Variants in RHPN2 observed in about 807,000 individuals in gnomAD.
RHPN2 encodes rhophilin Rho GTPase binding protein 2.
In RHPN2, 40 loss-of-function variants were observed where a neutral mutation model predicts 79.0. The ratio of observed to expected loss-of-function variants is 0.51; its 90% CI spans 0.39 to 0.66. The LOEUF (loss-of-function observed/expected upper bound fraction) is 0.66, where lower values mean the gene tolerates loss of function less well. Ranked by LOEUF, RHPN2 falls within the 30% of genes least tolerant of loss-of-function variation. The probability of loss-of-function intolerance (pLI) is 0.00; values close to 1 mark genes in which losing one functional copy is unlikely to be tolerated. For missense variants in RHPN2, 686 were observed against 883.5 expected (o/e 0.78, Z 2.83); for synonymous variants, 285 against 363.5 (o/e 0.78, Z 2.46).
At position 32,978,659 on chromosome 19, in the gene RHPN2, TC is replaced by T. The variant is rs1220406658; in HGVS notation, c.*1336del. 2.0e-5 allele frequency: 3 copies of T among 152,632 alleles called. No individual in the cohort carries two copies. Among genetic ancestry groups the T allele is most frequent in the Admixed American group, 2.0e-4 (3 of 15,264 alleles). 9.5% of individuals were successfully genotyped at this position (152,632 alleles called of 1,614,324 possible). A position where few individuals can be genotyped will look rare whatever the true frequency, so the allele number is the denominator to read the frequency against. ...GGCCCTAGGAGCAGCAGATACACTT[TC>T]CCAAAGGTGGTTGCTTCCTTTAAGA... On this transcript the variant is annotated 3_prime_UTR_variant, in exon 15 of 15. Coordinates refer to ENST00000254260, the MANE Select transcript of RHPN2 (RefSeq NM_033103.5).
intron 1 of RHPN2, among the ~76,000 whole-genome samples, chr19:33,048,964 G>GT (rs564855575): frequency 4.0e-5 from 6 of 150,346 alleles, no homozygotes; most frequent in East Asian, 2.0e-4. Context: ...GGATAAGAAT[G>GT]TTTTTTTTTC....
intron 1 of RHPN2, among the ~76,000 whole-genome samples, chr19:33,057,116 T>A (rs1378785680): frequency 2.6e-5 from 3 of 116,752 alleles, no homozygotes; most frequent in South Asian, 3.6e-4. Flanking sequence ...CCAGACTCTG[T>A]CTCAAAAAAA....
Position 32,979,936 on chromosome 19 carries a change from C to CT in RHPN2, c.*59_*60insA, listed in dbSNP as rs1971559622. The CT allele has an allele frequency of 3.1e-6, 5 of 1,590,768 alleles. No homozygotes were observed. Among genetic ancestry groups the CT allele is most frequent in the Non-Finnish European group, 4.3e-6 (5 of 1,159,222 alleles). ...TAGATATTTTCCATTATGGCACAAACGTTTAAGGCCGAGTCAGCACCGGAA... is the reference window on the plus strand; with the variant it reads ...TAGATATTTTCCATTATGGCACAAACTGTTTAAGGCCGAGTCAGCACCGGAA... On this transcript the variant is annotated 3_prime_UTR_variant, in exon 15 of 15. Transcript: ENST00000254260.
chr19:33,019,044 A>AGAAAG (rs71176184), intron 4 of RHPN2, among the ~76,000 whole-genome samples: 5 of 140,236 alleles, frequency 3.6e-5, no homozygotes, highest in South Asian at 2.3e-4. Context: ...AAAAAAAAAA[A>AGAAAG]AAAGAAAGAA....
intron 2 of RHPN2, among the ~76,000 whole-genome samples, chr19:33,034,149 C>T (rs547391909): frequency 9.9e-5 from 15 of 151,472 alleles, no homozygotes; most frequent in African/African-American, 3.4e-4. Context: ...TGAGCCATCG[C>T]GCCCGGCCTG....
At chr19:33,064,755 T>TGGGGGGCC in intron 1 of RHPN2, 29 bp downstream of exon 1, 22 of 1,427,876 alleles carry the variant, frequency 1.5e-5, no homozygotes, top group Non-Finnish European at 2.1e-5. Flanking sequence ...AGCCCGCAGG[T>TGGGGGGCC]CCCCGCCCGC....
In RHPN2 at chr19:32,998,132, C is replaced by T. The variant is rs143720174; in HGVS notation, c.1225+1454G>A. Among the ~76,000 whole-genome samples, 552 of 152,310 alleles carry T rather than the reference C, an allele frequency of 3.6e-3. 5 individuals carry two copies. Among genetic ancestry groups the T allele is most frequent in the South Asian group, 0.022 (108 of 4,834 alleles). On this transcript the variant is annotated intron_variant, in intron 10 of 14. Coordinates refer to ENST00000254260, the MANE Select transcript of RHPN2 (RefSeq NM_033103.5). ...AACCCGCTATGAGCAGGGCAAGCCA[C>T]GTGACCTCTCTGGGTCTCAGTTTCC...
chr19:33,021,754 C>G, intron 3 of RHPN2, 108 bp from the exon 4 acceptor site: 1 of 793,104 alleles, frequency 1.3e-6, no homozygotes, highest in Non-Finnish European at 2.2e-6. Context: ...CCCTCCTTAC[C>G]CCATCCTGTA....
rs758618054 is a variant in RHPN2, at chr19:32,991,861, C to T, written c.1606G>A (p.Val536Ile). The T allele has an allele frequency of 1.3e-5, 21 of 1,613,930 alleles. No homozygotes were observed. Among genetic ancestry groups the T allele is most frequent in the South Asian group, 6.6e-5 (6 of 91,074 alleles). ...TAAGGATCCAGGAAGTGAACCTGAA[C>T]GGGGGCGTTCCCTCTCAAGGTGAAC... ...LGFTLRGNAP[V>I]QVHFLDPYCS... Residue 536 changes from valine (V) to isoleucine (I), a missense_variant, in exon 13 of 15, where the codon GTT (valine) becomes ATT (isoleucine). By Grantham distance (29) the Val-to-Ile change is conservative (BLOSUM62 3). Coordinates refer to ENST00000254260, the MANE Select transcript of RHPN2 (RefSeq NM_033103.5).
Position 32,978,757 on chromosome 19 carries a change from T to TAA in RHPN2, c.*1237_*1238dup. On this transcript the variant is annotated 3_prime_UTR_variant, in exon 15 of 15. Coordinates refer to ENST00000254260, the MANE Select transcript of RHPN2 (RefSeq NM_033103.5). ...TTCAATGCTATGTATTTTAGCTATG[T>TAA]AACTTGTACTGTGTCAACAGTGAAC... is the stretch of plus-strand genomic sequence containing the variant. 6.5e-6 allele frequency: 1 copy of TAA among 152,774 alleles called. No individual in the cohort carries two copies. The allele number at this position is 152,774 out of a possible 1,614,324, so 9.5% of individuals were successfully genotyped here. A position where few individuals can be genotyped will look rare whatever the true frequency, so the allele number is the denominator to read the frequency against.
At chr19:33,017,796 G>A (rs1360686907) in intron 4 of RHPN2, among the ~76,000 whole-genome samples, 8 of 151,816 alleles carry the variant, frequency 5.3e-5, no homozygotes, top group African/African-American at 1.7e-4. Flanking sequence ...CGAGGTGGGC[G>A]GATCACCTGA....
chr19:33,011,288 A>T (rs1436046761), intron 6 of RHPN2, among the ~76,000 whole-genome samples: 2 of 152,140 alleles, frequency 1.3e-5, no homozygotes, highest in Non-Finnish European at 2.9e-5. Context: ...CTCACTGGAT[A>T]AGACCTGATT....
chr19:33,016,453 G>A (rs1358386267), intron 4 of RHPN2, among the ~76,000 whole-genome samples: 3 of 152,112 alleles, frequency 2.0e-5, no homozygotes, highest in Non-Finnish European at 2.9e-5. Flanking sequence ...AGCCAAGGAG[G>A]GTGGATCACT....
At chr19:33,063,195 G>A (rs1972296620) in intron 1 of RHPN2, among the ~76,000 whole-genome samples, 1 of 151,736 alleles carries the variant, frequency 6.6e-6, no homozygotes, top group African/African-American at 2.4e-5. Flanking sequence ...TGTCCCAAAC[G>A]CCACACATAA....
rs184850707 is a variant in RHPN2 at position 33,011,852 on chromosome 19, G to A, written c.469-49C>T. 510 of 1,613,442 alleles carry A rather than the reference G, an allele frequency of 3.2e-4. 2 individuals are homozygous for A. In the African/African-American group the frequency reaches 6.2e-3, roughly 20 times the overall value. ...GGCATGAGCAGAGGAGGACACAGCT[G>A]ATGGCCCTTCCCAGAAGGTGCCCTG... is the stretch of plus-strand genomic sequence containing the variant. On this transcript the variant is annotated intron_variant, in intron 5 of 14. Coordinates refer to ENST00000254260, the MANE Select transcript of RHPN2 (RefSeq NM_033103.5).
intron 7 of RHPN2, among the ~76,000 whole-genome samples, chr19:33,007,233 T>A (rs1031805547): frequency 6.0e-5 from 9 of 151,212 alleles, no homozygotes; most frequent in Non-Finnish European, 1.2e-4. Flanking sequence ...ATGCCTGTAA[T>A]CCCAGCATTC....
chr19:33,064,762 C>T, intron 1 of RHPN2, 22 bp downstream of exon 1: 7 of 1,405,248 alleles, frequency 5.0e-6, no homozygotes, highest in African/African-American at 1.5e-5. Context: ...AGGTCCCCGC[C>T]CGCCCGCCCG....
intron 1 of RHPN2, among the ~76,000 whole-genome samples, chr19:33,051,167 T>C (rs1414673706): frequency 6.6e-6 from 1 of 152,178 alleles, no homozygotes; most frequent in African/African-American, 2.4e-5. Flanking sequence ...AATTTTTGTA[T>C]TTTTAGTAGA....
intron 4 of RHPN2, among the ~76,000 whole-genome samples, chr19:33,014,474 A>G (rs1433803523): frequency 6.6e-6 from 1 of 151,910 alleles, no homozygotes; most frequent in Non-Finnish European, 1.5e-5. Context: ...CTCAGCTAAT[A>G]TTGTTATTTT....
Sources: allele counts gnomAD v4.1 joint callset (sites outside exome capture counted in the v4.1 genomes callset), GRCh38; gene constraint gnomAD v4.1.1; transcripts MANE v1.5; gene names NCBI Gene and HGNC (gene_info 2026-07-23, HGNC 2026-07-21).